The following ZNF10 variants were observed in gnomAD, a reference collection of about 807,000 sequenced individuals.
ZNF10 encodes the protein zinc finger protein 10.
A neutral mutation model predicts 12.2 loss-of-function variants in ZNF10; 8 were observed. That is an observed-to-expected ratio of 0.66 (90% confidence interval 0.39 to 1.18). The LOEUF is 1.18. ZNF10 is among the 50% of genes most tolerant of loss of function. The pLI is 0.01. For synonymous variants in ZNF10, 229 were observed against 228.2 expected (o/e 1.00, Z -0.03); for missense variants, 603 against 678.9 (o/e 0.89, Z 1.24).
intron 1 of ZNF10, among the ~76,000 whole-genome samples, chr12:133,137,528 A>G (rs963061690): frequency 2.0e-5 from 3 of 152,148 alleles, no homozygotes; most frequent in African/African-American, 7.2e-5. Flanking sequence ...CTACCAAACC[A>G]GCTCTGACAC....
rs540664471 is a variant in ZNF10 at position 133,158,733 on chromosome 12, T to C, written c.*1765T>C. 4.6e-5 allele frequency: 7 copies of C among 152,292 alleles called. No individual in the cohort carries two copies. The highest frequency in any genetic ancestry group is 4.6e-4 in the Admixed American group (7 of 15,300). 9.4% of individuals were successfully genotyped at this position (152,292 alleles called of 1,614,324 possible). On this transcript the variant is annotated 3_prime_UTR_variant, in exon 5 of 5. Transcript: ENST00000248211. Reference sequence around the variant, plus strand: ...AAGTATTGCTGAAGCCAACCAGAGATCTTGATCTCTCTCTGAGGAAAAAAC... The same window carrying C: ...AAGTATTGCTGAAGCCAACCAGAGACCTTGATCTCTCTCTGAGGAAAAAAC...
chr12:133,144,969 A>C (rs950448718), intron 2 of ZNF10: 1 of 393,688 alleles, frequency 2.5e-6, no homozygotes, highest in Non-Finnish European at 5.1e-6. Context: ...TGCAACCTCC[A>C]CCTCCCAGGT....
intron 1 of ZNF10, among the ~76,000 whole-genome samples, chr12:133,136,546 TC>T (rs1402333391): frequency 6.6e-6 from 1 of 152,194 alleles, no homozygotes; most frequent in African/African-American, 2.4e-5. Flanking sequence ...CGTTGATTTT[TC>T]TCTATAATCC....
chr12:133,145,427 G>A (rs1593842778), intron 2 of ZNF10, among the ~76,000 whole-genome samples: 1 of 152,290 alleles, frequency 6.6e-6, no homozygotes, highest in East Asian at 1.9e-4. Context: ...TGTTGTGTTA[G>A]TGTGTATAAT....
intron 2 of ZNF10, 120 bp downstream of exon 2, chr12:133,144,645 T>C: frequency 1.0e-6 from 1 of 998,676 alleles, no homozygotes; most frequent in Non-Finnish European, 1.5e-6. Context: ...GTTTTTGTTT[T>C]GTTTCCAGGT....
intron 2 of ZNF10, 144 bp from the exon 3 acceptor site, chr12:133,150,884 C>T (rs1956002903): frequency 1.1e-6 from 1 of 908,734 alleles, no homozygotes; most frequent in Admixed American, 2.8e-5. Flanking sequence ...AGAATAAATA[C>T]TACTCACTCC....
At chr12:133,142,959 A>G (rs1470571199) in intron 1 of ZNF10, among the ~76,000 whole-genome samples, 1 of 152,236 alleles carries the variant, frequency 6.6e-6, no homozygotes, top group Non-Finnish European at 1.5e-5. Flanking sequence ...GTTCATCAAC[A>G]GATGAGTGGG....
intron 2 of ZNF10, among the ~76,000 whole-genome samples, chr12:133,147,559 A>G (rs1438296286): frequency 6.7e-6 from 1 of 149,864 alleles, no homozygotes; most frequent in East Asian, 1.9e-4. Context: ...CTTTGGTGAA[A>G]TGTTTATTTT....
At position 133,155,987 on chromosome 12, in the gene ZNF10, T is replaced by G; in HGVS notation, c.741T>G (p.Leu247=). 6.2e-7 allele frequency: 1 copy of G among 1,614,008 alleles called. No homozygotes were observed. ...AATGCCCTGATAATGACAACTCTCT[T>G]ACTCATGGTTCATCTCTTGGTATAT... is the stretch of plus-strand genomic sequence containing the variant. ...SYKCPDNDNS[L]THGSSLGISK... is the part of the protein sequence containing the mutation. The change falls in exon 5 of 5, where the codon CTT becomes CTG. Residue 247 remains leucine (L), a synonymous_variant. Coordinates refer to ENST00000248211, the MANE Select transcript of ZNF10 (RefSeq NM_015394.5).
chr12:133,150,494 G>A (rs1160253101), intron 2 of ZNF10, among the ~76,000 whole-genome samples: 1 of 151,632 alleles, frequency 6.6e-6, no homozygotes, highest in Non-Finnish European at 1.5e-5. Context: ...TGGCTGATAA[G>A]GGCCTTGCAT....
In ZNF10 at chr12:133,156,802, G is replaced by T. The variant is rs993828655; in HGVS notation, c.1556G>T (p.Cys519Phe). The T allele has an allele frequency of 1.9e-5, 29 of 1,558,662 alleles. No homozygotes were observed. Among genetic ancestry groups the T allele is most frequent in the Non-Finnish European group, 2.3e-5 (27 of 1,155,778 alleles). Residue 519 changes from cysteine (C) to phenylalanine (F), a missense_variant, in exon 5 of 5, where the codon TGT becomes TTT. Physicochemically the swap from Cys to Phe is radical, Grantham distance 205 (BLOSUM62 -2). This residue lies in a region of ZNF10 where 204 missense variants were observed against 262.8 expected (regional missense o/e 0.78). Transcript: ENST00000248211. ...CATGTTGGAGAAGAGACCTATAAAT[G>T]TAATCAATGTGGCATTATCTTCAGC... ...RIHVGEETYK[C>F]NQCGIIFSQN...
At chr12:133,155,303 T>G (rs1431982000) in intron 4 of ZNF10, among the ~76,000 whole-genome samples, 200 bp from the exon 5 acceptor site, 1 of 152,150 alleles carries the variant, frequency 6.6e-6, no homozygotes, top group Non-Finnish European at 1.5e-5. Flanking sequence ...CCTTACTCCT[T>G]TTGCCCTTTG....
At chr12:133,146,271 T>C (rs1955975366) in intron 2 of ZNF10, among the ~76,000 whole-genome samples, 1 of 152,190 alleles carries the variant, frequency 6.6e-6, no homozygotes, top group African/African-American at 2.4e-5. Context: ...GGGGCAACTT[T>C]CTTGCCATAT....
rs756410759 is a variant in ZNF10 at position 133,156,128 on chromosome 12, G to A, written c.882G>A (p.Glu294=). The A allele has an allele frequency of 6.2e-7, 1 of 1,613,478 alleles. No individual in the cohort carries two copies. Among genetic ancestry groups the A allele is most frequent in the Non-Finnish European group, 8.5e-7 (1 of 1,180,028 alleles). ...QLIHTGEKPY[E]CKECGKSFSR... ...TTCATACTGGAGAAAAACCCTATGA[G>A]TGTAAAGAATGTGGAAAGTCTTTCA... Residue 294 remains glutamate (E), a synonymous_variant, in exon 5 of 5, where the codon GAG becomes GAA. Transcript: ENST00000248211.
chr12:133,134,943 C>G (rs915181406), intron 1 of ZNF10, among the ~76,000 whole-genome samples: 2 of 152,088 alleles, frequency 1.3e-5, no homozygotes, highest in Admixed American at 1.3e-4. Flanking sequence ...CATCGTTGTT[C>G]CAGTTTTTCC....
intron 1 of ZNF10, among the ~76,000 whole-genome samples, chr12:133,135,159 C>T (rs1043576927): frequency 6.6e-6 from 1 of 152,150 alleles, no homozygotes; most frequent in Non-Finnish European, 1.5e-5. Flanking sequence ...CCTGAAATGC[C>T]TTTTGATCTT....
At chr12:133,147,609 T>TTG (rs1955983650) in intron 2 of ZNF10, among the ~76,000 whole-genome samples, 1 of 28,628 alleles carries the variant, frequency 3.5e-5, no homozygotes, top group Non-Finnish European at 9.5e-5. Context: ...GTTTTCTGAG[T>TTG]TTTTTTTTTT....
chr12:133,139,464 C>G (rs989677983), intron 1 of ZNF10, among the ~76,000 whole-genome samples: 9 of 152,254 alleles, frequency 5.9e-5, no homozygotes, highest in African/African-American at 1.9e-4. Context: ...ACAGAGGATC[C>G]TAAATCTATG....
intron 1 of ZNF10, among the ~76,000 whole-genome samples, chr12:133,134,248 G>C (rs768968053): frequency 6.6e-6 from 1 of 151,962 alleles, no homozygotes; most frequent in East Asian, 1.9e-4. Flanking sequence ...AAGAGGCGGC[G>C]GTTGCAATGA....
Sources: gnomAD v4.1 joint callset for allele counts (sites outside exome capture counted in the v4.1 genomes callset) on GRCh38, gnomAD v4.1.1 for gene constraint, gnomAD v4.1.1 regional missense constraint, MANE v1.5 for transcripts, NCBI Gene and HGNC (gene_info 2026-07-23, HGNC 2026-07-21) for gene names.